C17orf107: variants seen among roughly 807,000 people sequenced by gnomAD.
The protein encoded by C17orf107 is chromosome 17 open reading frame 107.
C17orf107 carries 9 observed loss-of-function variants against 8.9 expected under a neutral mutation model. The observed-to-expected ratio is 1.02, with a 90% confidence interval of 0.61 to 1.77. The LOEUF is 1.77. Ranked by LOEUF, C17orf107 falls within the 40% of genes most tolerant of loss-of-function variation. C17orf107 has a pLI of 0.00. For missense variants in C17orf107, 281 were observed against 249.0 expected, an observed-to-expected ratio of 1.13 and a Z score of -0.86; for synonymous variants, 139 against 120.3, an observed-to-expected ratio of 1.16 and a Z score of -1.02.
At chr17:4,903,882 A>G (rs1282289561), downstream of C17orf107, among the ~76,000 whole-genome samples, 3 of 152,124 alleles carry the variant, frequency 2.0e-5, no homozygotes, top group Non-Finnish European at 2.9e-5. Flanking sequence ...TTTTGAGACC[A>G]AGTCTCGCTC....
At chr17:4,903,757 C>T (rs551293726), downstream of C17orf107, among the ~76,000 whole-genome samples, 1 of 152,306 alleles carries the variant, frequency 6.6e-6, no homozygotes, top group African/African-American at 2.4e-5. Flanking sequence ...CTTGTGGTCA[C>T]AGATGATAGT....
In C17orf107 at chr17:4,900,936, C is replaced by A; in HGVS notation, c.*403C>A. On this transcript the variant is annotated 3_prime_UTR_variant, in exon 3 of 3. Transcript: ENST00000381365. ...GAGGGAGAGCCAGTGAGAGCGGGCC[C>A]CGCCTCCCGGGAGCGAGCCCGGGTT... 1 of 1,614,082 alleles carries A rather than the reference C, an allele frequency of 6.2e-7. No homozygotes were observed. Among genetic ancestry groups the A allele is most frequent in the Non-Finnish European group, 8.5e-7 (1 of 1,179,954 alleles).
chr17:4,901,420 G>A lies in C17orf107; in HGVS notation c.*887G>A, dbSNP rs1359254099. The A allele has an allele frequency of 4.5e-6, 5 of 1,106,290 alleles. No homozygotes were observed. The highest frequency in any genetic ancestry group is 6.9e-6 in the Non-Finnish European group (5 of 726,144). The allele number at this position is 1,106,290 out of a possible 1,614,324, so 68.5% of individuals were successfully genotyped here. ...ACAGGGGTAAGCTAAACCCAGTTGT[G>A]GAAGTCATCCTCCAGTGTCGTTGGT... On this transcript the variant is annotated 3_prime_UTR_variant, in exon 3 of 3. Coordinates refer to ENST00000381365, the MANE Select transcript of C17orf107 (RefSeq NM_001145536.2).
chr17:4,904,136 C>T (rs938629104), downstream of C17orf107, among the ~76,000 whole-genome samples: 2 of 152,122 alleles, frequency 1.3e-5, no homozygotes, highest in African/African-American at 4.8e-5. Flanking sequence ...GGATTATAGG[C>T]GTGAGCCACC....
rs879460553 is a variant in C17orf107, at chr17:4,900,368, T to TGG, written c.411_412dup (p.Ala138GlyfsTer11). On this transcript the variant is annotated frameshift_variant, in exon 3 of 3. Coordinates refer to ENST00000381365, the MANE Select transcript of C17orf107 (RefSeq NM_001145536.2). LOFTEE classifies it low-confidence loss of function (END_TRUNC). ...CCGCAGGGCAGGGGGTTCGGCAAGCTGGGGCTGCGGTGGGCGCCAGCGCCC... is the reference window on the plus strand; with the variant it reads ...CCGCAGGGCAGGGGGTTCGGCAAGCTGGGGGGCTGCGGTGGGCGCCAGCGCCC... The TGG allele has an allele frequency of 1.9e-6, 3 of 1,549,170 alleles. No individual in the cohort carries two copies. Among genetic ancestry groups the TGG allele is most frequent in the African/African-American group, 1.4e-5 (1 of 73,138 alleles).
downstream of C17orf107, among the ~76,000 whole-genome samples, chr17:4,905,526 C>T (rs900115099): frequency 6.6e-6 from 1 of 152,124 alleles, no homozygotes; most frequent in African/African-American, 2.4e-5. Flanking sequence ...GATCACACTA[C>T]ACTCCAGCCT....
rs756429518 is a variant in C17orf107, at chr17:4,902,683, G to C, written c.*2150G>C. 1.9e-6 allele frequency: 3 copies of C among 1,613,868 alleles called. No individual in the cohort carries two copies. Among genetic ancestry groups the C allele is most frequent in the Non-Finnish European group, 1.7e-6 (2 of 1,179,954 alleles). On this transcript the variant is annotated 3_prime_UTR_variant, in exon 3 of 3. Coordinates refer to ENST00000381365, the MANE Select transcript of C17orf107 (RefSeq NM_001145536.2). The surrounding 1 kb of genome is among the most constrained non-coding windows in gnomAD (Gnocchi z 4.0). Reference sequence around the variant, plus strand: ...ATGGTGACAGTATCCTCAGGCTCCCGCACTGGCCGGCTTCCTGGGTCATAG... The same window carrying C: ...ATGGTGACAGTATCCTCAGGCTCCCCCACTGGCCGGCTTCCTGGGTCATAG...
rs1555546931 is a variant in C17orf107 at position 4,901,883 on chromosome 17, G to GGC, written c.*1351_*1352dup. ...CTTCCCGGTTGGCCCCGCCCCATAAGGCCCCCCCCCAACAATAATCGTCCG... is the reference window on the plus strand; with the variant it reads ...CTTCCCGGTTGGCCCCGCCCCATAAGGCGCCCCCCCCCAACAATAATCGTCCG... On this transcript the variant is annotated 3_prime_UTR_variant, in exon 3 of 3. Coordinates refer to ENST00000381365, the MANE Select transcript of C17orf107 (RefSeq NM_001145536.2). 8.2e-7 allele frequency: 1 copy of GGC among 1,214,838 alleles called. No individual in the cohort carries two copies. Among genetic ancestry groups the GGC allele is most frequent in the Non-Finnish European group, 1.2e-6 (1 of 829,894 alleles). The allele number at this position is 1,214,838 out of a possible 1,614,324, so 75.3% of individuals were successfully genotyped here. A position where few individuals can be genotyped will look rare whatever the true frequency, so the allele number is the denominator to read the frequency against.
rs1451939966 is a variant in C17orf107, at chr17:4,900,301, A to G, written c.341A>G (p.Asp114Gly). ...GACGGCAGCGCGGGCCCAGCCCCAG[A>G]CGGCAGGGATCCGGGTGCAGCGCTG... is the stretch of plus-strand genomic sequence containing the variant. ...RLDGSAGPAP[D>G]GRDPGAALSR... The change falls in exon 3 of 3, where the codon GAC becomes GGC. Residue 114 changes from aspartate to glycine, a missense_variant. Coordinates refer to ENST00000381365, the MANE Select transcript of C17orf107 (RefSeq NM_001145536.2). 1 of 1,545,338 alleles carries G rather than the reference A, an allele frequency of 6.5e-7. No homozygotes were observed. Among genetic ancestry groups the G allele is most frequent in the South Asian group, 1.2e-5 (1 of 83,980 alleles).
chr17:4,901,442 T>G lies in C17orf107; in HGVS notation c.*909T>G, dbSNP rs1006263182. 1 of 1,299,590 alleles carries G rather than the reference T, an allele frequency of 7.7e-7. No homozygotes were observed. The highest frequency in any genetic ancestry group is 1.5e-5 in the African/African-American group (1 of 68,772). 80.5% of individuals were successfully genotyped at this position (1,299,590 alleles called of 1,614,324 possible). A position where few individuals can be genotyped will look rare whatever the true frequency, so the allele number is the denominator to read the frequency against. ...TGTGGAAGTCATCCTCCAGTGTCGT[T>G]GGTCCGGGGCAAGCCCACCGTGGAA... On this transcript the variant is annotated 3_prime_UTR_variant, in exon 3 of 3. Coordinates refer to ENST00000381365, the MANE Select transcript of C17orf107 (RefSeq NM_001145536.2).
chr17:4,904,941 T>C (rs1970072960), downstream of C17orf107, among the ~76,000 whole-genome samples: 1 of 152,248 alleles, frequency 6.6e-6, no homozygotes, highest in Non-Finnish European at 1.5e-5. Context: ...TGACCCAGCT[T>C]ACCTCTTTGC....
At chr17:4,905,648 G>A (rs1970083702), downstream of C17orf107, among the ~76,000 whole-genome samples, 1 of 151,976 alleles carries the variant, frequency 6.6e-6, no homozygotes, top group African/African-American at 2.4e-5. Context: ...ACCACCTGAG[G>A]TCAAGAGTTC....
Position 4,900,152 on chromosome 17 carries a change from T to G in C17orf107, c.276+7T>G. ...CGGCACCACCTTGTTAGAGGTGGGG[T>G]ACTGGGGGGCTTAGGATACGCGGCG... On this transcript the variant is annotated splice_region_variant and intron_variant, in intron 2 of 2. Transcript: ENST00000381365. The G allele has an allele frequency of 6.5e-7, 1 of 1,548,834 alleles. No homozygotes were observed. Among genetic ancestry groups the G allele is most frequent in the Non-Finnish European group, 8.7e-7 (1 of 1,145,982 alleles).
Position 4,900,567 on chromosome 17 carries a change from G to C in C17orf107, c.*34G>C. On this transcript the variant is annotated 3_prime_UTR_variant, in exon 3 of 3. Transcript: ENST00000381365. ...GGCGGCGGGGCTAGGGAGGCACTGA[G>C]CCGGACTGTCCCCCAAGAGAGCTAC... is the stretch of plus-strand genomic sequence containing the variant. 1.9e-6 allele frequency: 3 copies of C among 1,549,888 alleles called. No homozygotes were observed. Among genetic ancestry groups the C allele is most frequent in the Non-Finnish European group, 1.7e-6 (2 of 1,146,724 alleles).
In C17orf107 at chr17:4,902,679, T is replaced by TC. The variant is rs762368691; in HGVS notation, c.*2149dup. ...GCTGATGGTGACAGTATCCTCAGGC[T>TC]CCCGCACTGGCCGGCTTCCTGGGTC... is the stretch of plus-strand genomic sequence containing the variant. On this transcript the variant is annotated 3_prime_UTR_variant, in exon 3 of 3. Transcript: ENST00000381365. The surrounding 1 kb of genome is among the most constrained non-coding windows in gnomAD (Gnocchi z 4.0). 72 of 1,613,646 alleles carry TC rather than the reference T, an allele frequency of 4.5e-5. No individual in the cohort carries two copies. In the Admixed American group the frequency reaches 6.0e-4, roughly 13 times the overall value.
Position 4,901,580 on chromosome 17 carries a change from T to G in C17orf107, c.*1047T>G, listed in dbSNP as rs1483147188. On this transcript the variant is annotated 3_prime_UTR_variant, in exon 3 of 3. Transcript: ENST00000381365. ...TGTTGATGGTCTTGCCGTCGTTGTC[T>G]ACGGCAAAAGTGAACTCCACCTCTT... 3.1e-6 allele frequency: 5 copies of G among 1,614,072 alleles called. No homozygotes were observed.
chr17:4,905,706 C>G (rs1597625327), downstream of C17orf107, among the ~76,000 whole-genome samples: 1 of 151,846 alleles, frequency 6.6e-6, no homozygotes, highest in East Asian at 1.9e-4. Flanking sequence ...ACTAAAAACA[C>G]AAAAATTAGC....
Position 4,901,886 on chromosome 17 carries a change from C to CCG in C17orf107, c.*1354_*1355insGC. 1 of 1,568,196 alleles carries CCG rather than the reference C, an allele frequency of 6.4e-7. No individual in the cohort carries two copies. The highest frequency in any genetic ancestry group is 8.7e-7 in the Non-Finnish European group (1 of 1,154,108). ...CCCGGTTGGCCCCGCCCCATAAGGC[C>CCG]CCCCCCCAACAATAATCGTCCGGGC... On this transcript the variant is annotated 3_prime_UTR_variant, in exon 3 of 3. Transcript: ENST00000381365.
Position 4,901,173 on chromosome 17 carries a change from T to C in C17orf107, c.*640T>C, listed in dbSNP as rs1422386099. 6 of 1,605,912 alleles carry C rather than the reference T, an allele frequency of 3.7e-6. No homozygotes were observed. Among genetic ancestry groups the C allele is most frequent in the Admixed American group, 1.7e-5 (1 of 59,988 alleles). ...CGGATCACCCCCGGGCAGAAGTCGATGGCCCACTCGCCGTTCTCTGCGGGA... is the reference window on the plus strand; with the variant it reads ...CGGATCACCCCCGGGCAGAAGTCGACGGCCCACTCGCCGTTCTCTGCGGGA... On this transcript the variant is annotated 3_prime_UTR_variant, in exon 3 of 3. Coordinates refer to ENST00000381365, the MANE Select transcript of C17orf107 (RefSeq NM_001145536.2).
Sources: gnomAD v4.1 joint callset for allele counts (sites outside exome capture counted in the v4.1 genomes callset) on GRCh38, gnomAD v4.1.1 for gene constraint, Gnocchi (gnomAD v3.1) non-coding constraint, MANE v1.5 for transcripts, NCBI Gene and HGNC (gene_info 2026-07-23, HGNC 2026-07-21) for gene names.